CSF1: variants seen among roughly 807,000 people sequenced by gnomAD.
CSF1 encodes the protein colony stimulating factor 1.
Under a neutral mutation model 48.9 loss-of-function variants are expected in CSF1, and 9 were observed. That is an observed-to-expected ratio of 0.18 (90% confidence interval 0.11 to 0.32). The LOEUF (loss-of-function observed/expected upper bound fraction) is 0.32. Ranked by LOEUF, CSF1 falls within the 10% of genes least tolerant of loss-of-function variation. CSF1 has a pLI of 1.00. For synonymous variants in CSF1, 305 were observed against 284.1 expected, an observed-to-expected ratio of 1.07 and a Z score of -0.74; for missense variants, 672 against 697.9, an observed-to-expected ratio of 0.96 and a Z score of 0.42.
intron 8 of CSF1, among the ~76,000 whole-genome samples, chr1:109,925,460 GC>G (rs1423847779): frequency 1.3e-5 from 2 of 151,850 alleles, no homozygotes; most frequent in Non-Finnish European, 2.9e-5. Context: ...TTCTAGTGTT[GC>G]TGCCACCTGT....
Position 109,929,201 on chromosome 1 carries a change from C to G in CSF1, c.*363C>G, listed in dbSNP as rs1647965625. On this transcript the variant is annotated 3_prime_UTR_variant, in exon 9 of 9. Coordinates refer to ENST00000329608, the MANE Select transcript of CSF1 (RefSeq NM_000757.6). ...GGAACCCAGGCCAGGGACCCACCGGCCTGTGGTTTGTGGGAAAGCAGGGTG... is the reference window on the plus strand; with the variant it reads ...GGAACCCAGGCCAGGGACCCACCGGGCTGTGGTTTGTGGGAAAGCAGGGTG... 6.5e-6 allele frequency: 1 copy of G among 152,764 alleles called. No homozygotes were observed. Among genetic ancestry groups the G allele is most frequent in the African/African-American group, 2.4e-5 (1 of 41,466 alleles). 9.5% of individuals were successfully genotyped at this position (152,764 alleles called of 1,614,324 possible).
At chr1:109,926,707 C>T (rs998530373) in intron 8 of CSF1, 8 of 152,018 alleles carry the variant, frequency 5.3e-5, no homozygotes, top group African/African-American at 1.9e-4. Flanking sequence ...TCCTCCTGCT[C>T]TTTTGTATTT....
At chr1:109,921,658 G>A (rs933063095) in intron 4 of CSF1, among the ~76,000 whole-genome samples, 189 bp from the exon 5 acceptor site, 10 of 152,122 alleles carry the variant, frequency 6.6e-5, no homozygotes, top group African/African-American at 2.4e-4. Context: ...ATGTTGAATG[G>A]GTCTGTGAAT....
Position 109,911,009 on chromosome 1 carries a change from G to T in CSF1, c.-15G>T. The T allele has an allele frequency of 8.5e-7, 1 of 1,172,466 alleles. No homozygotes were observed. Among genetic ancestry groups the T allele is most frequent in the South Asian group, 3.5e-5 (1 of 28,466 alleles). The allele number at this position is 1,172,466 out of a possible 1,614,324, so 72.6% of individuals were successfully genotyped here. On this transcript the variant is annotated 5_prime_UTR_variant, in exon 1 of 9. Coordinates refer to ENST00000329608, the MANE Select transcript of CSF1 (RefSeq NM_000757.6). ...GAGGGCGGCCGACGCGCCCGGCCGG[G>T]ACCCAGCTGCCCGTATGACCGCGCC...
Position 109,914,304 on chromosome 1 carries a change from A to C in CSF1, c.85A>C (p.Arg29=). 7 of 1,608,180 alleles carry C rather than the reference A, an allele frequency of 4.4e-6. No individual in the cohort carries two copies. The highest frequency in any genetic ancestry group is 5.9e-6 in the Non-Finnish European group (7 of 1,177,190). The change falls in exon 2 of 9, where the codon AGG becomes CGG. Residue 29 remains arginine (R), a synonymous_variant. Transcript: ENST00000329608. The part of the protein sequence containing the change: ...LLLLVCLLAS[R]SITEEVSEYC... ...GTTGTTGGTCTGTCTCCTGGCGAGC[A>C]GGAGTATCACCGAGGAGGTGTCGGA... is the stretch of plus-strand genomic sequence containing the variant.
At chr1:109,924,733 C>T (rs1360813414) in intron 6 of CSF1, 43 bp from the exon 7 acceptor site, 3 of 1,546,966 alleles carry the variant, frequency 1.9e-6, no homozygotes, top group Non-Finnish European at 2.6e-6. Context: ...CGCCCCCCCA[C>T]ACTCCCCCAG....
At chr1:109,925,659 C>G (rs1370344208) in intron 8 of CSF1, among the ~76,000 whole-genome samples, 2 of 152,210 alleles carry the variant, frequency 1.3e-5, no homozygotes, top group Non-Finnish European at 2.9e-5. Context: ...CCCTCCTCCC[C>G]AGCTGAGGTC....
Position 109,924,143 on chromosome 1 carries a change from GTCTTGCTGGCCGTCGGAGGCC to G in CSF1, c.1528_1548del (p.Leu510_Leu516del). The G allele has an allele frequency of 6.2e-7, 1 of 1,613,862 alleles. No individual in the cohort carries two copies. The highest frequency in any genetic ancestry group is 8.5e-7 in the Non-Finnish European group (1 of 1,179,892). On this transcript the variant is annotated inframe_deletion, in exon 6 of 9. Coordinates refer to ENST00000329608, the MANE Select transcript of CSF1 (RefSeq NM_000757.6). ...CCTGCTGGTGCCCAGTGTCATCCTG[GTCTTGCTGGCCGTCGGAGGCC>G]TCTTGTTCTACAGGTGGAGGCGGCG...
chr1:109,925,362 C>T (rs192997295), intron 8 of CSF1, among the ~76,000 whole-genome samples, 160 bp downstream of exon 8: 1 of 152,248 alleles, frequency 6.6e-6, no homozygotes, highest in Admixed American at 6.5e-5. Flanking sequence ...TCCAGCCACC[C>T]TCTCCTTTCC....
intron 1 of CSF1, among the ~76,000 whole-genome samples, chr1:109,912,733 T>TG (rs2101638597): frequency 6.6e-6 from 1 of 152,320 alleles, no homozygotes; most frequent in East Asian, 1.9e-4. Flanking sequence ...GCAGCCAGTC[T>TG]GGGGTAGATA....
chr1:109,913,540 C>T (rs1274671379), intron 1 of CSF1, among the ~76,000 whole-genome samples: 1 of 152,232 alleles, frequency 6.6e-6, no homozygotes, highest in East Asian at 1.9e-4. Context: ...TCTCAGAAAA[C>T]TTCTCTGCCA....
intron 4 of CSF1, among the ~76,000 whole-genome samples, chr1:109,920,629 A>G (rs768349743): frequency 1.3e-5 from 2 of 152,092 alleles, no homozygotes; most frequent in Non-Finnish European, 2.9e-5. Flanking sequence ...TCTGGTAAAC[A>G]TTTCTTAAGG....
intron 4 of CSF1, 35 bp from the exon 5 acceptor site, chr1:109,921,812 C>G: frequency 6.6e-7 from 1 of 1,522,516 alleles, no homozygotes; most frequent in Non-Finnish European, 8.9e-7. Context: ...GGCCAATGGT[C>G]ATGCTCACAA....
intron 8 of CSF1, among the ~76,000 whole-genome samples, chr1:109,927,673 C>T (rs530698191): frequency 1.6e-4 from 24 of 152,312 alleles, no homozygotes; most frequent in Non-Finnish European, 2.6e-4. Context: ...CCACTTGGCC[C>T]GGCAGGTCCA....
chr1:109,919,102 T>A (rs1011302563), intron 4 of CSF1, among the ~76,000 whole-genome samples: 2 of 152,124 alleles, frequency 1.3e-5, no homozygotes, highest in African/African-American at 2.4e-5. Flanking sequence ...TGGCAACGTG[T>A]CACACATGCT....
At chr1:109,917,796 G>T (rs1452587104) in intron 4 of CSF1, among the ~76,000 whole-genome samples, 1 of 152,188 alleles carries the variant, frequency 6.6e-6, no homozygotes, top group Non-Finnish European at 1.5e-5. Context: ...AGCAGTTATT[G>T]TGTGTCTGTT....
Position 109,923,180 on chromosome 1 carries a change from C to T in CSF1, c.559C>T (p.Pro187Ser), listed in dbSNP as rs756181383. ...ECSSQDVVTK[P>S]DCNCLYPKAI... is the part of the protein sequence containing the mutation. ...GGTTCTTTCAGATGTGGTGACCAAG[C>T]CTGATTGCAACTGCCTGTACCCCAA... The change falls in exon 6 of 9, where the codon CCT (proline) becomes TCT (serine). Residue 187 changes from proline to serine, a missense_variant. Transcript: ENST00000329608. The T allele has an allele frequency of 4.0e-6, 6 of 1,518,822 alleles. No individual in the cohort carries two copies. Among genetic ancestry groups the T allele is most frequent in the Non-Finnish European group, 4.4e-6 (5 of 1,133,720 alleles). The allele number at this position is 1,518,822 out of a possible 1,614,324, so 94.1% of individuals were successfully genotyped here. A position where few individuals can be genotyped will look rare whatever the true frequency, so the allele number is the denominator to read the frequency against.
chr1:109,914,328 G>A lies in CSF1; in HGVS notation c.109G>A (p.Glu37Lys), dbSNP rs1438346954. The change falls in exon 2 of 9, where the codon GAG (glutamate) becomes AAG (lysine). Residue 37 changes from glutamate to lysine, a missense_variant. Around this residue, in one of 3 missense-constraint regions of CSF1, gnomAD observed 28 missense variants for 58.8 expected, o/e 0.48. Transcript: ENST00000329608. ...ASRSITEEVS[E>K]YCSHMIGSGH... ...CAGGAGTATCACCGAGGAGGTGTCGGAGTACTGTAGCCACATGATTGGGAG... is the reference window on the plus strand; with the variant it reads ...CAGGAGTATCACCGAGGAGGTGTCGAAGTACTGTAGCCACATGATTGGGAG... 6.2e-7 allele frequency: 1 copy of A among 1,607,926 alleles called. No individual in the cohort carries two copies. Among genetic ancestry groups the A allele is most frequent in the African/African-American group, 1.3e-5 (1 of 74,844 alleles).
chr1:109,917,459 A>C lies in CSF1; in HGVS notation c.392A>C (p.Asp131Ala), dbSNP rs987951166. 2 of 1,613,982 alleles carry C rather than the reference A, an allele frequency of 1.2e-6. No individual in the cohort carries two copies. The highest frequency in any genetic ancestry group is 3.3e-5 in the Admixed American group (2 of 60,026). The change falls in exon 4 of 9, where the codon GAC (aspartate) becomes GCC (alanine). Residue 131 changes from aspartate (D) to alanine (A), a missense_variant. By Grantham distance (126) the Asp-to-Ala change is moderately radical. Transcript: ENST00000329608. ...TTCACCAAGGATTATGAAGAGCATG[A>C]CAAGGTAGGAAGCCCTGAGGCCTGG... ...SCFTKDYEEHDKACVRTFYET... is the reference protein window; with the variant it reads ...SCFTKDYEEHAKACVRTFYET...
Sources: gnomAD v4.1 joint callset for allele counts (sites outside exome capture counted in the v4.1 genomes callset) on GRCh38, gnomAD v4.1.1 for gene constraint, gnomAD v4.1.1 regional missense constraint, MANE v1.5 for transcripts, NCBI Gene and HGNC (gene_info 2026-07-23, HGNC 2026-07-21) for gene names.